IQCH: variants seen among roughly 807,000 people sequenced by gnomAD.
IQCH encodes IQ domain-containing protein H.
In IQCH, 98 loss-of-function variants were observed where a neutral mutation model predicts 117.0. The observed-to-expected ratio is 0.84, with a 90% CI of 0.71 to 0.99. The LOEUF is 0.99. IQCH is among the 50% of genes least tolerant of loss of function. IQCH has a pLI of 0.00. For synonymous variants in IQCH, 412 were observed against 448.2 expected (o/e 0.92, Z 1.02); for missense variants, 1,102 against 1,243.8 (o/e 0.89, Z 1.72).
chr15:67,256,075 A>T (rs1467838294), intron 1 of IQCH, among the ~76,000 whole-genome samples: 1 of 152,184 alleles, frequency 6.6e-6, no homozygotes, highest in African/African-American at 2.4e-5. Flanking sequence ...CACCACCCTC[A>T]CATTCAATGA....
At position 67,474,047 on chromosome 15, in the gene IQCH, C is replaced by T. The variant is rs1424094454; in HGVS notation, c.2677-1649C>T. On this transcript the variant is annotated intron_variant, in intron 17 of 20. Transcript: ENST00000335894. The surrounding 1 kb of genome is among the most constrained non-coding windows in gnomAD (Gnocchi z 4.1). ...ATCATGTGTGAGGGGAGCATGTCAC[C>T]AAAAGTGCCACGAAATCTGAGTGTG... Among the ~76,000 whole-genome samples the T allele has an allele frequency of 1.4e-5, 2 of 147,780 alleles. No homozygotes were observed. The highest frequency in any genetic ancestry group is 3.0e-5 in the Non-Finnish European group (2 of 67,132).
At chr15:67,276,638 A>ATTTT (rs993941061) in intron 3 of IQCH, among the ~76,000 whole-genome samples, 2 of 152,030 alleles carry the variant, frequency 1.3e-5, no homozygotes, top group African/African-American at 4.8e-5. Context: ...CATTTTAAAT[A>ATTTT]TTTCAATTCA....
chr15:67,376,534 C>A lies in IQCH; in HGVS notation c.1372+3101C>A, dbSNP rs1207125630. 6.6e-6 allele frequency among the ~76,000 whole-genome samples: 1 copy of A among 152,196 alleles called. No individual in the cohort carries two copies. Among genetic ancestry groups the A allele is most frequent in the Non-Finnish European group, 1.5e-5 (1 of 68,030 alleles). On this transcript the variant is annotated intron_variant, in intron 10 of 20. Transcript: ENST00000335894. This position sits in a 1 kb window ranked among gnomAD's most constrained non-coding sequence, Gnocchi z 5.0. ...GAAATTTGCTGTAGAATTAGCTCTA[C>A]AAATAATTACACCATGCTGCTAGCC...
chr15:67,392,157 A>G (rs1179085068), intron 12 of IQCH, among the ~76,000 whole-genome samples: 2 of 152,182 alleles, frequency 1.3e-5, no homozygotes, highest in African/African-American at 4.8e-5. Flanking sequence ...GGGATAGTTA[A>G]TTGATTCAGT....
At chr15:67,331,374 AG>A (rs1205068153) in intron 4 of IQCH, among the ~76,000 whole-genome samples, 2 of 152,212 alleles carry the variant, frequency 1.3e-5, no homozygotes, top group African/African-American at 2.4e-5. Context: ...AGAATAAAAA[AG>A]GGATATAAGG....
At chr15:67,321,431 CTTCT>C (rs1437978837) in intron 4 of IQCH, among the ~76,000 whole-genome samples, 1 of 151,822 alleles carries the variant, frequency 6.6e-6, no homozygotes, top group East Asian at 1.9e-4. Flanking sequence ...TCCTTCCTTC[CTTCT>C]TTTCTTTTCT....
intron 1 of IQCH, chr15:67,255,322 G>A (rs1005599204): frequency 4.7e-6 from 1 of 214,198 alleles, no homozygotes; most frequent in Non-Finnish European, 9.3e-6. Context: ...ACTCTAGGAG[G>A]TGATAAGAAA....
In IQCH at chr15:67,391,631, A is replaced by G. The variant is rs1244380022; in HGVS notation, c.1632+2625A>G. On this transcript the variant is annotated intron_variant, in intron 12 of 20. Coordinates refer to ENST00000335894, the MANE Select transcript of IQCH (RefSeq NM_001031715.3). This position sits in a 1 kb window ranked among gnomAD's most constrained non-coding sequence, Gnocchi z 4.3. Reference sequence around the variant, plus strand: ...ATAAATTAAATGTAGCCATAATTCAATGGAACTAGACACATTTTAGATTTT... The same window carrying G: ...ATAAATTAAATGTAGCCATAATTCAGTGGAACTAGACACATTTTAGATTTT... Among the ~76,000 whole-genome samples, 2 of 152,230 alleles carry G rather than the reference A, an allele frequency of 1.3e-5. No individual in the cohort carries two copies. The highest frequency in any genetic ancestry group is 2.4e-5 in the African/African-American group (1 of 41,456).
chr15:67,493,330 T>C lies in IQCH; in HGVS notation c.2862-928T>C, dbSNP rs778466708. ...CTGTCTCCTGATCCTGAACTTGGTG[T>C]TCCTTTCACTATACCACAAAGCCTA... On this transcript the variant is annotated intron_variant, in intron 19 of 20. Coordinates refer to ENST00000335894, the MANE Select transcript of IQCH (RefSeq NM_001031715.3). The surrounding 1 kb of genome is among the most constrained non-coding windows in gnomAD (Gnocchi z 5.1). Among the ~76,000 whole-genome samples, 1 of 152,144 alleles carries C rather than the reference T, an allele frequency of 6.6e-6. No individual in the cohort carries two copies. The highest frequency in any genetic ancestry group is 1.5e-5 in the Non-Finnish European group (1 of 68,020).
At chr15:67,379,476 A>C (rs74020150) in intron 10 of IQCH, among the ~76,000 whole-genome samples, 2,148 of 152,286 alleles carry the variant, frequency 0.014, 51 homozygotes, top group African/African-American at 0.045. Flanking sequence ...ACTCCCTGAA[A>C]GGTTCTCAGT....
intron 3 of IQCH, among the ~76,000 whole-genome samples, chr15:67,267,415 G>A (rs1965721657): frequency 6.6e-6 from 1 of 152,152 alleles, no homozygotes; most frequent in Admixed American, 6.5e-5. Context: ...ATTTGTCCTT[G>A]GAATCTCTGG....
chr15:67,372,792 C>T (rs971096141), intron 9 of IQCH, 130 bp downstream of exon 9: 1 of 702,764 alleles, frequency 1.4e-6, no homozygotes, highest in Admixed American at 2.8e-5. Flanking sequence ...ACTCCCACGC[C>T]TTTCACTCCC....
In IQCH at chr15:67,433,364, A is replaced by C. The variant is rs2082058152; in HGVS notation, c.2505+11787A>C. 6.6e-6 allele frequency among the ~76,000 whole-genome samples: 1 copy of C among 152,220 alleles called. No individual in the cohort carries two copies. The highest frequency in any genetic ancestry group is 2.4e-5 in the African/African-American group (1 of 41,444). On this transcript the variant is annotated intron_variant, in intron 16 of 20. Coordinates refer to ENST00000335894, the MANE Select transcript of IQCH (RefSeq NM_001031715.3). This position sits in a 1 kb window ranked among gnomAD's most constrained non-coding sequence, Gnocchi z 5.4. Reference sequence around the variant, plus strand: ...TGATAGTGCAGGTAAACTAGTGGCCAACTTTGCTATGTATATATTACCATT... The same window carrying C: ...TGATAGTGCAGGTAAACTAGTGGCCCACTTTGCTATGTATATATTACCATT...
intron 1 of IQCH, among the ~76,000 whole-genome samples, chr15:67,261,006 G>C (rs548389686): frequency 6.7e-6 from 1 of 149,612 alleles, no homozygotes; most frequent in South Asian, 2.1e-4. Context: ...TGAGGCAGGA[G>C]AATCGCTTGA....
At chr15:67,482,939 C>G (rs115191450) in intron 18 of IQCH, among the ~76,000 whole-genome samples, 1 of 152,110 alleles carries the variant, frequency 6.6e-6, no homozygotes, top group African/African-American at 2.4e-5. Context: ...AGGGTAGACT[C>G]TTACATCTCT....
Position 67,432,047 on chromosome 15 carries a change from A to C in IQCH, c.2505+10470A>C, listed in dbSNP as rs1453789273. Among the ~76,000 whole-genome samples, 3 of 152,208 alleles carry C rather than the reference A, an allele frequency of 2.0e-5. No individual in the cohort carries two copies. The highest frequency in any genetic ancestry group is 7.2e-5 in the African/African-American group (3 of 41,450). ...AGAGCAAGACCCTGTCTCAAAAATA[A>C]ATAAATAAATTAACTCTTATTTTAG... is the stretch of plus-strand genomic sequence containing the variant. On this transcript the variant is annotated intron_variant, in intron 16 of 20. Coordinates refer to ENST00000335894, the MANE Select transcript of IQCH (RefSeq NM_001031715.3). The surrounding 1 kb of genome is among the most constrained non-coding windows in gnomAD (Gnocchi z 5.0).
chr15:67,400,121 A>T lies in IQCH; in HGVS notation c.1913A>T (p.Glu638Val). The T allele has an allele frequency of 1.2e-6, 2 of 1,613,586 alleles. No individual in the cohort carries two copies. Among genetic ancestry groups the T allele is most frequent in the East Asian group, 4.5e-5 (2 of 44,826 alleles). Reference protein sequence around the residue: ...YDIYSQQQMIEQLSQLITDHL... With the variant: ...YDIYSQQQMIVQLSQLITDHL... ...GTGTCTTTGGCCTCACAGATGATAG[A>T]GCAGCTGAGTCAGCTGATAACTGAT... Residue 638 changes from glutamate to valine, a missense_variant, in exon 14 of 21, where the codon GAG becomes GTG. Transcript: ENST00000335894.
At position 67,372,161 on chromosome 15, in the gene IQCH, T is replaced by C. The variant is rs149810362; in HGVS notation, c.804T>C (p.Tyr268=). Residue 268 remains tyrosine, a synonymous_variant, in exon 9 of 21, where the codon TAT becomes TAC. Transcript: ENST00000335894. ...GAGCCCTGAAATCACTGTGGGATTA[T>C]GACTTTTTAATTTATGATGGTGTCA... ...PLRALKSLWD[Y]DFLIYDGVID... is the part of the protein sequence containing the mutation. 6.2e-7 allele frequency: 1 copy of C among 1,613,690 alleles called. No individual in the cohort carries two copies. The highest frequency in any genetic ancestry group is 1.3e-5 in the African/African-American group (1 of 74,894).
chr15:67,327,960 G>A (rs1249930496), intron 4 of IQCH, among the ~76,000 whole-genome samples: 1 of 152,144 alleles, frequency 6.6e-6, no homozygotes, highest in Non-Finnish European at 1.5e-5. Context: ...GTAAGACTGT[G>A]TTTTTCTTCT....
Sources: gnomAD v4.1 joint callset for allele counts (sites outside exome capture counted in the v4.1 genomes callset) on GRCh38, gnomAD v4.1.1 for gene constraint, Gnocchi (gnomAD v3.1) non-coding constraint, MANE v1.5 for transcripts, NCBI Gene and HGNC (gene_info 2026-07-23, HGNC 2026-07-21) for gene names.